The following ANKS1B variants were observed in gnomAD, a reference collection of about 807,000 sequenced individuals.
The protein encoded by ANKS1B is ankyrin repeat and sterile alpha motif domain containing 1B.
Under a neutral mutation model 148.3 loss-of-function variants are expected in ANKS1B, and 36 were observed. The ratio of observed to expected loss-of-function variants is 0.24; its 90% CI spans 0.19 to 0.32. ANKS1B has a LOEUF of 0.32. Among genes scored for constraint, ANKS1B ranks in the 10% least tolerant of loss-of-function variants. The pLI is 1.00. For synonymous variants in ANKS1B, 542 were observed against 560.8 expected, an observed-to-expected ratio of 0.97 and a Z score of 0.47; for missense variants, 1,157 against 1,542.6, an observed-to-expected ratio of 0.75 and a Z score of 4.19.
At chr12:99,811,373 G>A (rs1200077668) in intron 3 of ANKS1B, among the ~76,000 whole-genome samples, 2 of 151,722 alleles carry the variant, frequency 1.3e-5, no homozygotes, top group African/African-American at 2.4e-5. Flanking sequence ...TTCAATTGTT[G>A]GACTGTCTGC....
At chr12:99,714,534 GT>G (rs1036744829) in intron 8 of ANKS1B, among the ~76,000 whole-genome samples, 1 of 152,080 alleles carries the variant, frequency 6.6e-6, no homozygotes, top group Non-Finnish European at 1.5e-5. Flanking sequence ...AATATTTCAA[GT>G]TTTTTATTAT....
At chr12:98,940,165 A>T (rs1158873329) in intron 17 of ANKS1B, among the ~76,000 whole-genome samples, 1 of 152,078 alleles carries the variant, frequency 6.6e-6, no homozygotes, top group African/African-American at 2.4e-5. Context: ...CACTGGCAGG[A>T]CCCACTCCAG....
At chr12:99,324,412 A>G (rs1353654537) in intron 12 of ANKS1B, among the ~76,000 whole-genome samples, 1 of 152,154 alleles carries the variant, frequency 6.6e-6, no homozygotes, top group East Asian at 1.9e-4. Flanking sequence ...CTTGGGAACA[A>G]TGAACTAGAA....
At chr12:99,700,678 T>C (rs1247363829) in intron 8 of ANKS1B, among the ~76,000 whole-genome samples, 1 of 152,178 alleles carries the variant, frequency 6.6e-6, no homozygotes, top group Non-Finnish European at 1.5e-5. Context: ...CCAGCATCAT[T>C]ACTTTTGTAG....
At chr12:99,604,651 C>T (rs2097836921) in intron 9 of ANKS1B, among the ~76,000 whole-genome samples, 1 of 151,420 alleles carries the variant, frequency 6.6e-6, no homozygotes, top group African/African-American at 2.4e-5. Context: ...CCTGTCTCTA[C>T]TAAAAATACA....
chr12:99,679,889 A>G (rs1567628419), intron 8 of ANKS1B, among the ~76,000 whole-genome samples: 1 of 152,202 alleles, frequency 6.6e-6, no homozygotes, highest in Non-Finnish European at 1.5e-5. Flanking sequence ...GGAGACTCAC[A>G]TTGTAAACTT....
chr12:99,728,482 C>T (rs1321282049), intron 8 of ANKS1B, among the ~76,000 whole-genome samples: 1 of 152,128 alleles, frequency 6.6e-6, no homozygotes, highest in African/African-American at 2.4e-5. Flanking sequence ...ACAATAGATG[C>T]TTGGGAGGCT....
intron 12 of ANKS1B, among the ~76,000 whole-genome samples, chr12:99,258,608 TTG>T (rs1491584115): frequency 1.5e-4 from 8 of 52,240 alleles, no homozygotes; most frequent in East Asian, 6.0e-4. Context: ...TATTATCCAC[TTG>T]TTTTTTTTTT....
intron 10 of ANKS1B, among the ~76,000 whole-genome samples, chr12:99,454,657 A>G (rs1424643809): frequency 1.3e-5 from 2 of 152,242 alleles, no homozygotes; most frequent in East Asian, 3.8e-4. Flanking sequence ...CACCAGAGGT[A>G]TGCTGTAATT....
intron 19 of ANKS1B, among the ~76,000 whole-genome samples, chr12:98,820,731 T>G (rs929287903): frequency 3.9e-5 from 6 of 152,222 alleles, no homozygotes; most frequent in Non-Finnish European, 8.8e-5. Flanking sequence ...CCATAATTCC[T>G]TTTCCAAAGA....
intron 12 of ANKS1B, among the ~76,000 whole-genome samples, chr12:99,285,223 A>C (rs187722171): frequency 6.6e-6 from 1 of 152,250 alleles, no homozygotes; most frequent in African/African-American, 2.4e-5. Context: ...TACAGTATAT[A>C]CTTTTTTGTC....
chr12:99,650,525 TTCTTAAA>T (rs1194163114), intron 9 of ANKS1B, among the ~76,000 whole-genome samples: 1 of 152,210 alleles, frequency 6.6e-6, no homozygotes, highest in African/African-American at 2.4e-5. Context: ...TTGATTTCCT[TTCTTAAA>T]TCTTAATTAA....
intron 8 of ANKS1B, among the ~76,000 whole-genome samples, chr12:99,749,394 G>A (rs952246024): frequency 1.3e-5 from 2 of 152,064 alleles, no homozygotes; most frequent in African/African-American, 2.4e-5. Flanking sequence ...CAAAACCAGT[G>A]TAGAGGAAAA....
At chr12:99,464,522 G>A (rs150076974) in intron 10 of ANKS1B, among the ~76,000 whole-genome samples, 1 of 152,224 alleles carries the variant, frequency 6.6e-6, no homozygotes, top group East Asian at 1.9e-4. Flanking sequence ...CAAAGCAAAG[G>A]CAAAGAAGTT....
At chr12:98,768,847 C>T (rs142944124) in intron 25 of ANKS1B, among the ~76,000 whole-genome samples, 4 of 151,524 alleles carry the variant, frequency 2.6e-5, no homozygotes, top group African/African-American at 7.3e-5. Flanking sequence ...TCCCATAGTA[C>T]GTAAACTATG....
chr12:99,957,644 T>C (rs1475169876), intron 1 of ANKS1B, among the ~76,000 whole-genome samples: 3 of 152,242 alleles, frequency 2.0e-5, no homozygotes, highest in Non-Finnish European at 2.9e-5. Context: ...GGTTGACTTA[T>C]TAAATTTCTG....
At chr12:98,823,371 T>C (rs916511459) in intron 19 of ANKS1B, among the ~76,000 whole-genome samples, 2 of 152,232 alleles carry the variant, frequency 1.3e-5, no homozygotes, top group African/African-American at 4.8e-5. Context: ...AAGCTGAGCC[T>C]TTCTGAGTAG....
Position 99,226,512 on chromosome 12 carries a change from C to T in ANKS1B, c.2419+17830G>A, listed in dbSNP as rs1601846178. Among the ~76,000 whole-genome samples the T allele has an allele frequency of 2.6e-5, 4 of 152,102 alleles. No homozygotes were observed. In the South Asian group the frequency reaches 8.3e-4, roughly 31 times the overall value. On this transcript the variant is annotated intron_variant, in intron 14 of 26. Coordinates refer to ENST00000683438, the MANE Select transcript of ANKS1B (RefSeq NM_001352186.2). Reference sequence around the variant, plus strand: ...ACACAAGAATCAATGTGTATATTGTCTAGGGTATATATCTTACATATATAA... The same window carrying T: ...ACACAAGAATCAATGTGTATATTGTTTAGGGTATATATCTTACATATATAA...
At chr12:99,332,209 A>G (rs928868085) in intron 12 of ANKS1B, among the ~76,000 whole-genome samples, 1 of 152,002 alleles carries the variant, frequency 6.6e-6, no homozygotes, top group African/African-American at 2.4e-5. Context: ...ACTCAAATCT[A>G]CTGAAACTGA....
Sources: gnomAD v4.1 joint callset for allele counts (sites outside exome capture counted in the v4.1 genomes callset) on GRCh38, gnomAD v4.1.1 for gene constraint, MANE v1.5 for transcripts, NCBI Gene and HGNC (gene_info 2026-07-23, HGNC 2026-07-21) for gene names.